RAI1: variants seen among roughly 807,000 people sequenced by gnomAD.
RAI1 encodes retinoic acid induced 1, also known as retinoic acid-induced protein 1.
In RAI1, 9 loss-of-function variants were observed where a neutral mutation model predicts 123.8. That is an observed-to-expected ratio of 0.07 (90% CI 0.04 to 0.13). The LOEUF (loss-of-function observed/expected upper bound fraction) is 0.13, where lower values mean the gene tolerates loss of function less well. Among genes scored for constraint, RAI1 ranks in the 10% least tolerant of loss-of-function variants. The pLI is 1.00. For missense variants in RAI1, 2,256 were observed against 2,545.8 expected (o/e 0.89, Z 2.45); for synonymous variants, 1,231 against 1,127.3 (o/e 1.09, Z -1.84).
At chr17:17,698,267 A>G (rs945984908) in intron 1 of RAI1, among the ~76,000 whole-genome samples, 1 of 152,104 alleles carries the variant, frequency 6.6e-6, no homozygotes, top group African/African-American at 2.4e-5. Context: ...TGGGTGGCTC[A>G]TGGCAGGCTT....
At chr17:17,730,212 AT>A (rs1371006395) in intron 2 of RAI1, among the ~76,000 whole-genome samples, 1 of 152,298 alleles carries the variant, frequency 6.6e-6, no homozygotes, top group South Asian at 2.1e-4. Context: ...CCTCCTAAAT[AT>A]CCCCTTCCTG....
intron 2 of RAI1, among the ~76,000 whole-genome samples, chr17:17,732,152 T>A (rs957786294): frequency 1.3e-5 from 2 of 151,808 alleles, no homozygotes; most frequent in African/African-American, 4.8e-5. Flanking sequence ...ATTTTACAGA[T>A]GAAGAAACTG....
Position 17,801,209 on chromosome 17 carries a change from C to T in RAI1, c.5566-2547C>T, listed in dbSNP as rs1442092045. 6.6e-6 allele frequency among the ~76,000 whole-genome samples: 1 copy of T among 152,178 alleles called. No homozygotes were observed. The highest frequency in any genetic ancestry group is 1.5e-5 in the Non-Finnish European group (1 of 68,028). Reference sequence around the variant, plus strand: ...CCAAAGCCATCATAGACCCCTACCTCCTATCCAGATGGAGCCTGGCCATGG... The same window carrying T: ...CCAAAGCCATCATAGACCCCTACCTTCTATCCAGATGGAGCCTGGCCATGG... On this transcript the variant is annotated intron_variant, in intron 3 of 5. Coordinates refer to ENST00000353383, the MANE Select transcript of RAI1 (RefSeq NM_030665.4). The surrounding 1 kb of genome is among the most constrained non-coding windows in gnomAD (Gnocchi z 4.1).
intron 2 of RAI1, among the ~76,000 whole-genome samples, chr17:17,746,634 CTTTTTT>C (rs377692656): frequency 8.3e-6 from 1 of 120,402 alleles, no homozygotes; most frequent in African/African-American, 3.1e-5. Flanking sequence ...CTTTTCTTTT[CTTTTTT>C]TTTTTTTTTT....
chr17:17,689,301 C>T (rs555585003), intron 1 of RAI1, among the ~76,000 whole-genome samples: 4 of 152,256 alleles, frequency 2.6e-5, no homozygotes, highest in Admixed American at 1.3e-4. Context: ...CACATCTAAC[C>T]CTTACCTGTA....
At chr17:17,803,709 C>G in intron 3 of RAI1, 47 bp from the exon 4 acceptor site, 1 of 1,559,338 alleles carries the variant, frequency 6.4e-7, no homozygotes, top group Non-Finnish European at 8.8e-7. Context: ...AGCTTGAGGG[C>G]TGGGCTCCAA....
intron 2 of RAI1, among the ~76,000 whole-genome samples, chr17:17,724,607 G>T (rs1598036543): frequency 6.6e-6 from 1 of 151,908 alleles, no homozygotes; most frequent in East Asian, 1.9e-4. Context: ...TTCTGTTCAA[G>T]TTCGCAATCT....
rs1194776949 is a variant in RAI1, at chr17:17,798,375, G to C, written c.5427G>C (p.Lys1809Asn). 1 of 1,609,246 alleles carries C rather than the reference G, an allele frequency of 6.2e-7. No homozygotes were observed. The highest frequency in any genetic ancestry group is 2.2e-5 in the East Asian group (1 of 44,772). Reference sequence around the variant, plus strand: ...AGGGTCGCAAACATGAGTGCAGCAAGGAGGCTCCGGCAGAGCCCGGCGGGG... The same window carrying C: ...AGGGTCGCAAACATGAGTGCAGCAACGAGGCTCCGGCAGAGCCCGGCGGGG... ...ADKGRKHECS[K>N]EAPAEPGGEA... Residue 1809 changes from lysine to asparagine, a missense_variant, in exon 3 of 6, where the codon AAG becomes AAC. By Grantham distance (94) the Lys-to-Asn change is moderately conservative (BLOSUM62 0). This residue lies in a region of RAI1 where 243 missense variants were observed against 316.6 expected (regional missense o/e 0.77). Transcript: ENST00000353383.
intron 1 of RAI1, among the ~76,000 whole-genome samples, chr17:17,720,673 C>T (rs1915851593): frequency 6.6e-6 from 1 of 152,208 alleles, no homozygotes; most frequent in Non-Finnish European, 1.5e-5. Flanking sequence ...AATTGAGAGT[C>T]GGATGGGATC....
intron 1 of RAI1, among the ~76,000 whole-genome samples, chr17:17,686,706 A>G (rs1218641789): frequency 2.6e-5 from 4 of 151,350 alleles, no homozygotes; most frequent in Non-Finnish European, 5.9e-5. Flanking sequence ...GTGAGCAGGG[A>G]CAGGGAGAGA....
intron 1 of RAI1, among the ~76,000 whole-genome samples, chr17:17,719,077 G>A (rs1915797578): frequency 6.6e-6 from 1 of 152,114 alleles, no homozygotes; most frequent in Admixed American, 6.5e-5. Flanking sequence ...GCCCCACCCT[G>A]GCCAGGCCTC....
At chr17:17,698,495 C>T (rs1008491959) in intron 1 of RAI1, among the ~76,000 whole-genome samples, 2 of 152,222 alleles carry the variant, frequency 1.3e-5, no homozygotes, top group Admixed American at 1.3e-4. Context: ...CCCCCACACC[C>T]CTTTATATTG....
chr17:17,755,456 C>G (rs1438344070), intron 2 of RAI1, among the ~76,000 whole-genome samples: 2 of 152,156 alleles, frequency 1.3e-5, no homozygotes, highest in African/African-American at 4.8e-5. Context: ...TTGGGGTCAC[C>G]CTCACCAACT....
At chr17:17,724,695 C>G (rs1327072420) in intron 2 of RAI1, among the ~76,000 whole-genome samples, 1 of 152,156 alleles carries the variant, frequency 6.6e-6, no homozygotes, top group Non-Finnish European at 1.5e-5. Context: ...GGAAACTTCC[C>G]GAGAGCGCGG....
chr17:17,752,837 C>G (rs756285589), intron 2 of RAI1, among the ~76,000 whole-genome samples: 2 of 152,136 alleles, frequency 1.3e-5, no homozygotes, highest in Non-Finnish European at 2.9e-5. Context: ...CCTGGCACTC[C>G]TCTGCCCAGC....
intron 2 of RAI1, among the ~76,000 whole-genome samples, chr17:17,729,310 G>C (rs1916194205): frequency 6.6e-6 from 1 of 152,182 alleles, no homozygotes; most frequent in Non-Finnish European, 1.5e-5. Flanking sequence ...AAAGAGTAGT[G>C]GTAACAATAA....
chr17:17,805,215 A>G (rs2350976), intron 4 of RAI1, among the ~76,000 whole-genome samples: 68,892 of 152,022 alleles, frequency 0.45, 18,650 homozygotes, highest in Non-Finnish European at 0.63. Flanking sequence ...ACCTCTGCAC[A>G]CAGTTTCCCT....
chr17:17,795,491 C>T lies in RAI1; in HGVS notation c.2543C>T (p.Ala848Val), dbSNP rs2032201691. The change falls in exon 3 of 6, where the codon GCC becomes GTC. Residue 848 changes from alanine to valine, a missense_variant. This residue lies in a region of RAI1 where 566 missense variants were observed against 616.0 expected (regional missense o/e 0.92). Transcript: ENST00000353383. This position sits in a 1 kb window ranked among gnomAD's most constrained non-coding sequence, Gnocchi z 5.9. ...LEDSRHCCST[A>V]DFGDLPLLPP... ...GACAGCCGGCACTGCTGTTCCACCGCCGACTTCGGGGACCTCCCACTGCTG... is the reference window on the plus strand; with the variant it reads ...GACAGCCGGCACTGCTGTTCCACCGTCGACTTCGGGGACCTCCCACTGCTG... The T allele has an allele frequency of 6.3e-7, 1 of 1,585,884 alleles. No homozygotes were observed. Among genetic ancestry groups the T allele is most frequent in the East Asian group, 2.3e-5 (1 of 43,380 alleles).
At chr17:17,779,932 C>T (rs974269764) in intron 2 of RAI1, among the ~76,000 whole-genome samples, 2 of 151,488 alleles carry the variant, frequency 1.3e-5, no homozygotes, top group African/African-American at 4.8e-5. Flanking sequence ...CCCGCCACCT[C>T]GCCCGGCTAA....
Sources: gnomAD v4.1 joint callset for allele counts (sites outside exome capture counted in the v4.1 genomes callset) on GRCh38, gnomAD v4.1.1 for gene constraint, gnomAD v4.1.1 regional missense constraint, Gnocchi (gnomAD v3.1) non-coding constraint, MANE v1.5 for transcripts, NCBI Gene and HGNC (gene_info 2026-07-23, HGNC 2026-07-21) for gene names.